Variants in STAG2 observed in about 807,000 individuals in gnomAD.
STAG2 encodes STAG2 cohesin complex component.
STAG2 carries 14 observed loss-of-function variants against 108.1 expected under a neutral mutation model. The ratio of observed to expected loss-of-function variants is 0.13; its 90% CI spans 0.09 to 0.20. The LOEUF is 0.20. Among genes scored for constraint, STAG2 ranks in the 10% least tolerant of loss-of-function variants. The pLI is 1.00. For synonymous variants in STAG2, 307 were observed against 302.7 expected, an observed-to-expected ratio of 1.01 and a Z score of -0.15; for missense variants, 440 against 940.9, an observed-to-expected ratio of 0.47 and a Z score of 6.96.
chrX:123,975,014 T>G (rs2054555566), intron 1 of STAG2, among the ~76,000 whole-genome samples: 1 of 112,108 alleles, frequency 8.9e-6, no homozygotes, highest in Admixed American at 9.5e-5. Context: ...AATCTTTTTT[T>G]CCTTTCAAAA....
At chrX:124,077,685 A>G (rs554989389) in intron 26 of STAG2, among the ~76,000 whole-genome samples, 3 of 112,046 alleles carry the variant, frequency 2.7e-5, no homozygotes, top group African/African-American at 9.7e-5. Flanking sequence ...TGTTTTGACT[A>G]AAACTGACCA....
chrX:123,974,243 T>C (rs1248361626), intron 1 of STAG2, among the ~76,000 whole-genome samples: 4 of 108,397 alleles, frequency 3.7e-5, no homozygotes, highest in Non-Finnish European at 7.7e-5. Context: ...TTTCTTTTTT[T>C]TTTTTTTGAG....
chrX:124,076,975 A>G (rs1004429346), intron 26 of STAG2, among the ~76,000 whole-genome samples: 1 of 110,918 alleles, frequency 9.0e-6, no homozygotes, highest in East Asian at 2.8e-4. Context: ...TTTCATAACT[A>G]TATGTGAGGT....
chrX:123,991,413 C>A (rs1334540585), intron 1 of STAG2, among the ~76,000 whole-genome samples: 2 of 110,540 alleles, frequency 1.8e-5, no homozygotes, highest in Non-Finnish European at 3.8e-5. Flanking sequence ...AGTGCAATGG[C>A]ATGATCTCAG....
In STAG2 at chrX:124,100,571, T is replaced by C; in HGVS notation, c.3784-3T>C. 1 of 1,195,699 alleles carries C rather than the reference T, an allele frequency of 8.4e-7. No homozygotes were observed. Among genetic ancestry groups the C allele is most frequent in the Non-Finnish European group, 1.1e-6 (1 of 882,558 alleles). On this transcript the variant is annotated splice_polypyrimidine_tract_variant and splice_region_variant and intron_variant, in intron 34 of 34. Coordinates refer to ENST00000371145, the MANE Select transcript of STAG2 (RefSeq NM_001042750.2). ...ATTTTCTCCCCTCTCTCTCTCTCAT[T>C]AGGTTCTTGGAGTGTCAATGTTTTA...
intron 4 of STAG2, among the ~76,000 whole-genome samples, chrX:124,026,246 T>C (rs780094227): frequency 1.6e-4 from 18 of 110,184 alleles, no homozygotes; most frequent in African/African-American, 5.9e-4. Context: ...TATTTTTGTT[T>C]TCCCACAAGT....
intron 29 of STAG2, among the ~76,000 whole-genome samples, chrX:124,084,100 A>C (rs1430408508): frequency 8.9e-6 from 1 of 112,187 alleles, no homozygotes; most frequent in African/African-American, 3.2e-5. Context: ...TTAAATTCTC[A>C]AAAATCTTCT....
chrX:124,063,539 T>G (rs985738666), intron 19 of STAG2, among the ~76,000 whole-genome samples: 1 of 111,697 alleles, frequency 9.0e-6, no homozygotes, highest in African/African-American at 3.3e-5. Context: ...ATAACAATTA[T>G]AAGACAAAAT....
intron 1 of STAG2, chrX:123,963,054 C>G (rs1156341729): frequency 8.9e-6 from 1 of 111,734 alleles, no homozygotes; most frequent in Non-Finnish European, 1.9e-5. Flanking sequence ...TAGTGCGGTC[C>G]AACCTCTGCC....
intron 1 of STAG2, among the ~76,000 whole-genome samples, chrX:123,972,453 A>G (rs1455566434): frequency 1.8e-5 from 2 of 108,252 alleles, no homozygotes; most frequent in African/African-American, 3.4e-5. Flanking sequence ...TTGTATTTTT[A>G]GTAGAGACGG....
At chrX:124,030,899 A>G (rs910964933) in intron 4 of STAG2, 62 bp from the exon 5 acceptor site, 1 of 1,084,572 alleles carries the variant, frequency 9.2e-7, no homozygotes, top group African/African-American at 1.9e-5. Context: ...CTTCTACTGT[A>G]GCTGTGTTTT....
intron 13 of STAG2, among the ~76,000 whole-genome samples, chrX:124,051,776 G>A (rs926159254): frequency 9.0e-6 from 1 of 110,499 alleles, no homozygotes; most frequent in African/African-American, 3.3e-5. Context: ...ATTTTTAGTA[G>A]AGACGGGGTT....
intron 8 of STAG2, among the ~76,000 whole-genome samples, chrX:124,046,777 C>T (rs968670445): frequency 3.6e-5 from 4 of 111,740 alleles, no homozygotes; most frequent in Non-Finnish European, 7.5e-5. Flanking sequence ...GTTCTTTTGA[C>T]TTTCCATGGA....
chrX:124,029,101 C>T (rs1335328960), intron 4 of STAG2, among the ~76,000 whole-genome samples: 4 of 106,285 alleles, frequency 3.8e-5, no homozygotes, highest in Non-Finnish European at 7.7e-5. Flanking sequence ...ACTGCAAGCT[C>T]CGCCTTCTGG....
rs1390822825 is a variant in STAG2 at position 124,071,293 on chromosome X, A to T, written c.2503A>T (p.Ile835Phe). 3 of 1,193,394 alleles carry T rather than the reference A, an allele frequency of 2.5e-6. No homozygotes were observed. The highest frequency in any genetic ancestry group is 3.4e-6 in the Non-Finnish European group (3 of 888,954). Reference protein sequence around the residue: ...LLSFILDHVFIEQDDDNNSAD... With the variant: ...LLSFILDHVFFEQDDDNNSAD... ...CAGCTTTATTTTGGATCATGTCTTC[A>T]TTGAACAGGATGATGATAATAATAG... is the stretch of plus-strand genomic sequence containing the variant. Residue 835 changes from isoleucine to phenylalanine, a missense_variant, in exon 25 of 35, where the codon ATT (isoleucine) becomes TTT (phenylalanine). Coordinates refer to ENST00000371145, the MANE Select transcript of STAG2 (RefSeq NM_001042750.2).
chrX:124,066,477 C>T (rs1267225099), intron 23 of STAG2, 41 bp downstream of exon 23: 21 of 983,282 alleles, frequency 2.1e-5, no homozygotes, highest in Non-Finnish European at 2.9e-5. Context: ...GACTAAATAT[C>T]ATTAACTGTT....
At position 124,003,067 on chromosome X, in the gene STAG2, A is replaced by G. The variant is rs1463551032; in HGVS notation, c.-162-18300A>G. 2.7e-5 allele frequency among the ~76,000 whole-genome samples: 3 copies of G among 109,228 alleles called. No individual in the cohort carries two copies. In the Admixed American group the frequency reaches 3.0e-4, roughly 11 times the overall value. The allele number at this position is 109,228 out of a possible 115,157, so 94.9% of individuals were successfully genotyped here. On this transcript the variant is annotated intron_variant, in intron 1 of 34. Transcript: ENST00000371145. ...ACTGCAACTTCTACCTCCTGGGTTC[A>G]TGCAATTCTCCTGCCTCAGCCTCCC...
At chrX:124,073,806 A>C (rs779105254) in intron 25 of STAG2, among the ~76,000 whole-genome samples, 1 of 111,720 alleles carries the variant, frequency 9.0e-6, no homozygotes, top group African/African-American at 3.3e-5. Context: ...CCATTCCATC[A>C]GTCTTTGTCA....
chrX:124,049,806 T>A (rs1375474063), intron 10 of STAG2, among the ~76,000 whole-genome samples: 7 of 112,170 alleles, frequency 6.2e-5, no homozygotes, highest in African/African-American at 3.2e-5. Context: ...AAATCCCAGT[T>A]GAGCTTGACC....
Sources: allele counts gnomAD v4.1 joint callset (sites outside exome capture counted in the v4.1 genomes callset), GRCh38; gene constraint gnomAD v4.1.1; transcripts MANE v1.5; gene names NCBI Gene and HGNC (gene_info 2026-07-23, HGNC 2026-07-21).